C1orf21: variants seen among roughly 807,000 people sequenced by gnomAD.
The protein encoded by C1orf21 is chromosome 1 open reading frame 21, also known as uncharacterized protein C1orf21.
In C1orf21, 3 loss-of-function variants were observed where a neutral mutation model predicts 18.7. That is an observed-to-expected ratio of 0.16 (90% CI 0.07 to 0.42). C1orf21 has a LOEUF of 0.42. Ranked by LOEUF, C1orf21 falls within the 10% of genes least tolerant of loss-of-function variation. The probability of loss-of-function intolerance (pLI) is 0.99; values close to 1 mark genes in which losing one functional copy is unlikely to be tolerated. For synonymous variants in C1orf21, 41 were observed against 46.4 expected, an observed-to-expected ratio of 0.88 and a Z score of 0.47; for missense variants, 104 against 143.6, an observed-to-expected ratio of 0.72 and a Z score of 1.41.
At chr1:184,573,021 C>G (rs1388491481) in intron 3 of C1orf21, among the ~76,000 whole-genome samples, 1 of 151,710 alleles carries the variant, frequency 6.6e-6, no homozygotes, top group Non-Finnish European at 1.5e-5. Flanking sequence ...GGTGTAGGCA[C>G]TCTCTCAGCC....
intron 3 of C1orf21, among the ~76,000 whole-genome samples, chr1:184,564,064 T>A (rs954190889): frequency 6.6e-6 from 1 of 152,174 alleles, no homozygotes; most frequent in Non-Finnish European, 1.5e-5. Context: ...CGTGGATGCT[T>A]GAATGAGGTC....
At position 184,507,643 on chromosome 1, in the gene C1orf21, A is replaced by G. The variant is rs750490177; in HGVS notation, c.150A>G (p.Glu50=). The part of the protein sequence containing the change: ...EEVKYMKNGA[E]EEQKIAARNQ... ...TCAAATACATGAAAAATGGGGCAGAAGAAGAGCAGAAAATAGCAGCCAGGA... is the reference window on the plus strand; with the variant it reads ...TCAAATACATGAAAAATGGGGCAGAGGAAGAGCAGAAAATAGCAGCCAGGA... Residue 50 remains glutamate (E), a synonymous_variant, in exon 3 of 6, where the codon GAA becomes GAG. Transcript: ENST00000235307. 1.9e-6 allele frequency: 3 copies of G among 1,606,024 alleles called. No homozygotes were observed. The highest frequency in any genetic ancestry group is 2.5e-6 in the Non-Finnish European group (3 of 1,177,212).
intron 1 of C1orf21, among the ~76,000 whole-genome samples, chr1:184,463,311 C>T (rs930752520): frequency 6.6e-6 from 1 of 151,892 alleles, no homozygotes; most frequent in Non-Finnish European, 1.5e-5. Flanking sequence ...CCTTTTTACT[C>T]CTTTTCTACT....
intron 1 of C1orf21, among the ~76,000 whole-genome samples, chr1:184,429,535 G>A (rs1435919844): frequency 5.9e-5 from 9 of 152,110 alleles, no homozygotes; most frequent in Non-Finnish European, 1.3e-4. Flanking sequence ...TTATGTTGAG[G>A]TGTCTGCTTA....
chr1:184,541,729 A>T (rs886460437), intron 3 of C1orf21, among the ~76,000 whole-genome samples: 26 of 152,232 alleles, frequency 1.7e-4, no homozygotes, highest in African/African-American at 6.0e-4. Flanking sequence ...TGGACCTGGC[A>T]CTCCAGAGGG....
At chr1:184,531,820 C>T (rs1037368298) in intron 3 of C1orf21, among the ~76,000 whole-genome samples, 2 of 152,130 alleles carry the variant, frequency 1.3e-5, no homozygotes, top group African/African-American at 2.4e-5. Flanking sequence ...CAGTGCACTT[C>T]CTACAGCTGA....
intron 1 of C1orf21, among the ~76,000 whole-genome samples, chr1:184,391,136 CAACAT>C (rs1306714405): frequency 6.6e-6 from 1 of 152,062 alleles, no homozygotes; most frequent in African/African-American, 2.4e-5. Context: ...CAACAAGAAA[CAACAT>C]GACATGCTGT....
intron 1 of C1orf21, among the ~76,000 whole-genome samples, chr1:184,415,427 T>G (rs1656434052): frequency 6.6e-6 from 1 of 152,188 alleles, no homozygotes; most frequent in African/African-American, 2.4e-5. Context: ...ACAGATAATC[T>G]GTTCAGTAGG....
chr1:184,540,534 A>G (rs573147312), intron 3 of C1orf21, among the ~76,000 whole-genome samples: 13 of 152,176 alleles, frequency 8.5e-5, no homozygotes, highest in South Asian at 6.2e-4. Flanking sequence ...GGTTCAAGCA[A>G]TTCTCCCACC....
chr1:184,592,598 G>A (rs1453286423), intron 4 of C1orf21, among the ~76,000 whole-genome samples: 10 of 152,044 alleles, frequency 6.6e-5, no homozygotes, highest in South Asian at 6.2e-4. Flanking sequence ...TGAGAGTACC[G>A]ATGACACTGG....
chr1:184,577,555 T>C (rs12097916), intron 3 of C1orf21, among the ~76,000 whole-genome samples: 34,228 of 152,084 alleles, frequency 0.23, 4,759 homozygotes, highest in African/African-American at 0.4. Context: ...TCCAGCTTGT[T>C]CAGGAAGGCT....
rs552663518 is a variant in C1orf21 at position 184,552,721 on chromosome 1, G to A, written c.190-38018G>A. On this transcript the variant is annotated intron_variant, in intron 3 of 5. Coordinates refer to ENST00000235307, the MANE Select transcript of C1orf21 (RefSeq NM_030806.4). ...ACCACCAAAAAAGCATTTGCTCAAAGAATGATTACATAATTCCAATTTTGT... is the reference window on the plus strand; with the variant it reads ...ACCACCAAAAAAGCATTTGCTCAAAAAATGATTACATAATTCCAATTTTGT... 2.0e-5 allele frequency among the ~76,000 whole-genome samples: 3 copies of A among 152,110 alleles called. No homozygotes were observed. In the South Asian group the frequency reaches 6.2e-4, roughly 32 times the overall value.
rs549087750 is a variant in C1orf21 at position 184,523,182 on chromosome 1, A to G, written c.189+15500A>G. The stretch of plus-strand genomic sequence containing the variant: ...TAGTAAATGTAGATTGCGCATAATG[A>G]CTTCGTTGCAAGAGTACAGTATGGA... On this transcript the variant is annotated intron_variant, in intron 3 of 5. Transcript: ENST00000235307. 3.9e-5 allele frequency among the ~76,000 whole-genome samples: 6 copies of G among 152,272 alleles called. No individual in the cohort carries two copies. In the East Asian group the frequency reaches 1.2e-3, roughly 29 times the overall value.
intron 1 of C1orf21, among the ~76,000 whole-genome samples, chr1:184,430,658 C>T (rs922623626): frequency 2.0e-5 from 3 of 152,164 alleles, no homozygotes; most frequent in African/African-American, 7.2e-5. Context: ...AAGCACACAC[C>T]AGCATCTGGC....
chr1:184,441,397 G>C (rs1462922302), intron 1 of C1orf21, among the ~76,000 whole-genome samples: 1 of 152,194 alleles, frequency 6.6e-6, no homozygotes, highest in Non-Finnish European at 1.5e-5. Flanking sequence ...TCGGGTATCA[G>C]ATCTGCCCCC....
chr1:184,450,567 A>G (rs1657106985), intron 1 of C1orf21, among the ~76,000 whole-genome samples: 5 of 152,200 alleles, frequency 3.3e-5, no homozygotes, highest in Admixed American at 3.3e-4. Context: ...GGCATTCACA[A>G]AAGCGTACAC....
chr1:184,574,127 C>T (rs559099971), intron 3 of C1orf21, among the ~76,000 whole-genome samples: 1 of 152,154 alleles, frequency 6.6e-6, no homozygotes, highest in African/African-American at 2.4e-5. Context: ...ATCGCTTGAA[C>T]TCAGGAGGTG....
intron 3 of C1orf21, among the ~76,000 whole-genome samples, chr1:184,525,691 G>T (rs563559622): frequency 6.6e-6 from 1 of 152,124 alleles, no homozygotes; most frequent in African/African-American, 2.4e-5. Flanking sequence ...AAAAAGGTTT[G>T]CCCCTTAGTG....
chr1:184,499,854 G>T (rs1182314031), intron 2 of C1orf21, among the ~76,000 whole-genome samples: 3 of 152,134 alleles, frequency 2.0e-5, no homozygotes, highest in Non-Finnish European at 1.5e-5. Flanking sequence ...CAGGGGAGAG[G>T]ATAGCTGACT....
Sources: allele counts gnomAD v4.1 joint callset (sites outside exome capture counted in the v4.1 genomes callset), GRCh38; gene constraint gnomAD v4.1.1; transcripts MANE v1.5; gene names NCBI Gene and HGNC (gene_info 2026-07-23, HGNC 2026-07-21).